The following RAD51B variants were observed in gnomAD, a reference collection of about 807,000 sequenced individuals.
The protein encoded by RAD51B is DNA repair protein RAD51 homolog 2.
A neutral mutation model predicts 42.2 loss-of-function variants in RAD51B; 38 were observed. The ratio of observed to expected loss-of-function variants is 0.90; its 90% CI spans 0.70 to 1.18. RAD51B has a LOEUF of 1.18. Ranked by LOEUF, RAD51B falls within the 50% of genes most tolerant of loss-of-function variation. The pLI is 0.00. For synonymous variants in RAD51B, 154 were observed against 145.2 expected (o/e 1.06, Z -0.43); for missense variants, 373 against 400.7 (o/e 0.93, Z 0.59).
intron 11 of RAD51B, among the ~76,000 whole-genome samples, chr14:68,654,619 C>T (rs978180729): frequency 3.3e-5 from 5 of 152,120 alleles, no homozygotes; most frequent in South Asian, 2.1e-4. Context: ...TGGTTTAGAC[C>T]CCCGTGGGTG....
chr14:68,468,338 A>C (rs1284584019), intron 10 of RAD51B, 88 bp downstream of exon 10: 1 of 1,347,746 alleles, frequency 7.4e-7, no homozygotes, highest in Non-Finnish European at 1.1e-6. Flanking sequence ...TTCTGATAGA[A>C]GCTAGCTCCA....
In RAD51B at chr14:68,494,279, C is replaced by CA. The variant is rs3074525; in HGVS notation, c.1036+26048dup. ...TGGGCGACAGAGTGAGATTCCGTCT[C>CA]AAAAAAAAAAAAAAAAAAATGACCA... On this transcript the variant is annotated intron_variant, in intron 10 of 10. Transcript: ENST00000487270. 2.1e-3 allele frequency among the ~76,000 whole-genome samples: 256 copies of CA among 123,010 alleles called. 4 individuals are homozygous for CA. The highest frequency in any genetic ancestry group is 6.1e-3 in the South Asian group (20 of 3,302). The allele number at this position is 123,010 out of a possible 152,430, so 80.7% of individuals were successfully genotyped here.
Position 68,148,140 on chromosome 14 carries a change from T to G in RAD51B, c.757-143744T>G, listed in dbSNP as rs566692608. 8.1e-4 allele frequency among the ~76,000 whole-genome samples: 124 copies of G among 152,352 alleles called. 1 individual carries two copies. Among genetic ancestry groups the G allele is most frequent in the Middle Eastern group, 3.4e-3 (1 of 294 alleles). On this transcript the variant is annotated intron_variant, in intron 7 of 10. Transcript: ENST00000471583. ...CAATTTATTTTGAGATTCATCCATG[T>G]TGTTGCATGTATCAGTACTTCATTA...
At chr14:68,457,773 A>ATTTTTTTT (rs771439291) in intron 9 of RAD51B, among the ~76,000 whole-genome samples, 11 of 106,716 alleles carry the variant, frequency 1.0e-4, no homozygotes, top group Non-Finnish European at 1.5e-4. Context: ...TAATTTTTGT[A>ATTTTTTTT]TTTTTTTTTT....
intron 7 of RAD51B, among the ~76,000 whole-genome samples, chr14:68,267,943 G>A (rs757738423): frequency 3.9e-5 from 6 of 152,170 alleles, no homozygotes; most frequent in Non-Finnish European, 5.9e-5. Flanking sequence ...CTTTTCAGAT[G>A]TCAAATAATG....
intron 10 of RAD51B, among the ~76,000 whole-genome samples, chr14:68,571,802 TTTG>T (rs1475090785): frequency 7.2e-3 from 3 of 418 alleles, no homozygotes; most frequent in Admixed American, 0.062. Flanking sequence ...ATGGCTGTTT[TTTG>T]TTTGTTTGTT....
At chr14:68,505,230 A>C (rs560688154) in intron 10 of RAD51B, among the ~76,000 whole-genome samples, 1 of 152,320 alleles carries the variant, frequency 6.6e-6, no homozygotes, top group Admixed American at 6.5e-5. Context: ...CCGCACACAC[A>C]CAGCTAATTC....
At chr14:68,113,551 C>T (rs959059507) in intron 7 of RAD51B, among the ~76,000 whole-genome samples, 1 of 152,114 alleles carries the variant, frequency 6.6e-6, no homozygotes, top group Non-Finnish European at 1.5e-5. Flanking sequence ...AGTACGACTT[C>T]TGGTTGAAGG....
At chr14:68,674,242 C>T (rs1047947346) in intron 11 of RAD51B, among the ~76,000 whole-genome samples, 2 of 152,032 alleles carry the variant, frequency 1.3e-5, no homozygotes, top group Admixed American at 6.5e-5. Flanking sequence ...TGTATACACA[C>T]GTACACACTA....
At position 67,915,562 on chromosome 14, in the gene RAD51B, G is replaced by A. The variant is rs7145026; in HGVS notation, c.756+28358G>A. On this transcript the variant is annotated intron_variant, in intron 7 of 10. Transcript: ENST00000471583. ...TTGAGTGTGAAGGAAGATAGCATGAGGATCTTGTTTGCCTGCAGCTTTATT... is the reference window on the plus strand; with the variant it reads ...TTGAGTGTGAAGGAAGATAGCATGAAGATCTTGTTTGCCTGCAGCTTTATT... Among the ~76,000 whole-genome samples, 953 of 152,286 alleles carry A rather than the reference G, an allele frequency of 6.3e-3. 10 individuals are homozygous for A. Among genetic ancestry groups the A allele is most frequent in the African/African-American group, 0.022 (908 of 41,556 alleles).
chr14:68,061,225 A>G (rs939337498), intron 7 of RAD51B, among the ~76,000 whole-genome samples: 2 of 151,460 alleles, frequency 1.3e-5, no homozygotes, highest in Admixed American at 1.3e-4. Flanking sequence ...TGCGCGCCAC[A>G]CCCAGCTAAT....
chr14:68,424,062 G>T (rs2084775856), intron 9 of RAD51B, among the ~76,000 whole-genome samples: 1 of 152,162 alleles, frequency 6.6e-6, no homozygotes, highest in South Asian at 2.1e-4. Context: ...GTGGCATCTT[G>T]CCCACAGTGG....
chr14:67,987,169 T>C (rs1199235835), intron 7 of RAD51B, among the ~76,000 whole-genome samples: 1 of 152,248 alleles, frequency 6.6e-6, no homozygotes, highest in Non-Finnish European at 1.5e-5. Flanking sequence ...CTCAAGCATT[T>C]ATCCTTTGTA....
At chr14:67,982,015 C>T (rs2075102298) in intron 7 of RAD51B, among the ~76,000 whole-genome samples, 1 of 152,180 alleles carries the variant, frequency 6.6e-6, no homozygotes, top group Non-Finnish European at 1.5e-5. Flanking sequence ...AGGCTCACTG[C>T]AGCCTCTGCC....
At chr14:67,855,051 A>G (rs2041943306) in intron 4 of RAD51B, among the ~76,000 whole-genome samples, 1 of 152,178 alleles carries the variant, frequency 6.6e-6, no homozygotes, top group Admixed American at 6.5e-5. Context: ...CTGCATAGTT[A>G]TTATGCCTGG....
At chr14:68,224,976 C>T (rs998279894) in intron 7 of RAD51B, among the ~76,000 whole-genome samples, 7 of 152,078 alleles carry the variant, frequency 4.6e-5, no homozygotes, top group Non-Finnish European at 1.0e-4. Flanking sequence ...CAGATGTGAG[C>T]CACTGCGCCC....
At chr14:68,238,654 C>G (rs984493327) in intron 7 of RAD51B, among the ~76,000 whole-genome samples, 3 of 152,194 alleles carry the variant, frequency 2.0e-5, no homozygotes, top group Non-Finnish European at 4.4e-5. Flanking sequence ...TATGCTAACC[C>G]TTACTCATCA....
intron 7 of RAD51B, among the ~76,000 whole-genome samples, chr14:67,999,807 A>C (rs1265851924): frequency 6.6e-6 from 1 of 152,136 alleles, no homozygotes; most frequent in Non-Finnish European, 1.5e-5. Context: ...TTCAGGGAGG[A>C]AATGATATTT....
intron 10 of RAD51B, among the ~76,000 whole-genome samples, chr14:68,544,972 A>T (rs935328123): frequency 1.3e-5 from 2 of 152,172 alleles, no homozygotes; most frequent in Admixed American, 1.3e-4. Context: ...AGTTCCAGGG[A>T]TGGGATGTGG....
Sources: allele counts gnomAD v4.1 joint callset (sites outside exome capture counted in the v4.1 genomes callset), GRCh38; gene constraint gnomAD v4.1.1; transcripts MANE v1.5; gene names NCBI Gene and HGNC (gene_info 2026-07-23, HGNC 2026-07-21).